The following ANO1 variants were observed in gnomAD, a reference collection of about 807,000 sequenced individuals.
ANO1 encodes the protein anoctamin-1.
In ANO1, 59 loss-of-function variants were observed where a neutral mutation model predicts 124.0. That is an observed-to-expected ratio of 0.48 (90% CI 0.39 to 0.59). The LOEUF is 0.59. Ranked by LOEUF, ANO1 falls within the 20% of genes least tolerant of loss-of-function variation. The pLI, the probability that ANO1 is intolerant of heterozygous loss-of-function variation, is 0.00. For synonymous variants in ANO1, 529 were observed against 532.0 expected (o/e 0.99, Z 0.08); for missense variants, 1,059 against 1,328.0 (o/e 0.80, Z 3.15).
chr11:70,149,870 C>T (rs1019166529), intron 12 of ANO1, 78 bp downstream of exon 12: 45 of 1,501,056 alleles, frequency 3.0e-5, no homozygotes, highest in Non-Finnish European at 3.9e-5. Context: ...GGGACTTACA[C>T]GGAGGCCCGA....
At chr11:70,153,985 C>T (rs1220885760) in intron 14 of ANO1, among the ~76,000 whole-genome samples, 1 of 151,990 alleles carries the variant, frequency 6.6e-6, no homozygotes, top group East Asian at 1.9e-4. Context: ...AGGCTGGTCT[C>T]GAACTCCTGA....
intron 11 of ANO1, among the ~76,000 whole-genome samples, chr11:70,133,057 C>G (rs1052980862): frequency 6.6e-6 from 1 of 152,132 alleles, no homozygotes; most frequent in Middle Eastern, 3.2e-3. Flanking sequence ...AGGGGCCTCT[C>G]CGTCCCACCT....
chr11:70,010,317 C>G (rs1012407095), intron 1 of ANO1, among the ~76,000 whole-genome samples: 1 of 151,258 alleles, frequency 6.6e-6, no homozygotes, highest in African/African-American at 2.4e-5. Flanking sequence ...GTGCAAGTGC[C>G]TTTTTCACAT....
rs2046962719 is a variant in ANO1, at chr11:70,136,543, T to C, written c.1258+4464T>C. On this transcript the variant is annotated intron_variant, in intron 11 of 25. Coordinates refer to ENST00000355303, the MANE Select transcript of ANO1 (RefSeq NM_018043.7). ...CTGCCTGGAGTTTGTTAGGGGAAGATGGGAGTTCCTCTGCTGAGGTTCGAA... is the reference window on the plus strand; with the variant it reads ...CTGCCTGGAGTTTGTTAGGGGAAGACGGGAGTTCCTCTGCTGAGGTTCGAA... Among the ~76,000 whole-genome samples, 2 of 123,452 alleles carry C rather than the reference T, an allele frequency of 1.6e-5. 1 individual carries two copies. The highest frequency in any genetic ancestry group is 6.5e-4 in the South Asian group (2 of 3,062). 81.0% of individuals were successfully genotyped at this position (123,452 alleles called of 152,430 possible). A position where few individuals can be genotyped will look rare whatever the true frequency, so the allele number is the denominator to read the frequency against.
intron 1 of ANO1, among the ~76,000 whole-genome samples, chr11:70,060,126 T>C (rs2135107986): frequency 6.6e-6 from 1 of 152,126 alleles, no homozygotes; most frequent in South Asian, 2.1e-4. Flanking sequence ...GAGCCTTGTG[T>C]GGTAAGGAAG....
intron 1 of ANO1, among the ~76,000 whole-genome samples, chr11:70,006,656 C>CTTTT (rs1470639214): frequency 1.3e-5 from 1 of 76,728 alleles, no homozygotes; most frequent in South Asian, 6.1e-4. Context: ...TTCTTTCTTT[C>CTTTT]TTCTTTCTTT....
At chr11:70,161,834 C>A in intron 18 of ANO1, 101 bp downstream of exon 18, 1 of 1,179,366 alleles carries the variant, frequency 8.5e-7, no homozygotes, top group Non-Finnish European at 1.2e-6. Context: ...CAGGGCAGGG[C>A]AGACACCGTG....
At chr11:69,993,650 G>C (rs1438658371) in intron 1 of ANO1, among the ~76,000 whole-genome samples, 1 of 152,172 alleles carries the variant, frequency 6.6e-6, no homozygotes, top group Non-Finnish European at 1.5e-5. Flanking sequence ...CTTGGTTTGT[G>C]TCCCCACTTC....
chr11:70,175,870 A>G (rs2048674353), intron 22 of ANO1, among the ~76,000 whole-genome samples: 1 of 152,202 alleles, frequency 6.6e-6, no homozygotes, highest in Non-Finnish European at 1.5e-5. Flanking sequence ...CCCAAAGAAT[A>G]TTCTAAAAGC....
At chr11:70,172,349 T>C (rs2048512277) in intron 22 of ANO1, among the ~76,000 whole-genome samples, 2 of 152,120 alleles carry the variant, frequency 1.3e-5, no homozygotes, top group African/African-American at 4.8e-5. Context: ...TCTTGTCTTA[T>C]AGTAGGACCA....
intron 1 of ANO1, among the ~76,000 whole-genome samples, chr11:69,993,047 G>C (rs1856185885): frequency 6.6e-6 from 1 of 152,094 alleles, no homozygotes; most frequent in Admixed American, 6.5e-5. Context: ...CCTCCTCTGG[G>C]CCTTTTGCCA....
chr11:70,007,810 G>T (rs34465972), intron 1 of ANO1, among the ~76,000 whole-genome samples: 36,083 of 152,024 alleles, frequency 0.24, 4,431 homozygotes, highest in South Asian at 0.29. Context: ...ATTTTTTTAG[G>T]AACTTCCATG....
chr11:70,011,710 A>T (rs1174637542), intron 1 of ANO1, among the ~76,000 whole-genome samples: 2 of 152,200 alleles, frequency 1.3e-5, no homozygotes, highest in Non-Finnish European at 2.9e-5. Context: ...TCATCGATGA[A>T]AGCTTGGAAG....
chr11:70,185,510 G>A (rs886172882), intron 24 of ANO1, 80 bp from the exon 25 acceptor site: 7 of 1,325,186 alleles, frequency 5.3e-6, no homozygotes, highest in Admixed American at 3.8e-5. Flanking sequence ...TCTCCCAGGC[G>A]TCCCTCGAGC....
intron 1 of ANO1, among the ~76,000 whole-genome samples, chr11:70,010,195 A>ATG (rs1565159770): frequency 7.2e-6 from 1 of 138,500 alleles, no homozygotes; most frequent in African/African-American, 2.7e-5. Context: ...ATATATATAT[A>ATG]TATCACATTT....
At chr11:70,094,230 C>A (rs1329571295) in intron 2 of ANO1, among the ~76,000 whole-genome samples, 1 of 152,216 alleles carries the variant, frequency 6.6e-6, no homozygotes, top group Admixed American at 6.5e-5. Context: ...CATGTGGAGA[C>A]CCCGCCCCTG....
chr11:70,187,343 C>G (rs528058435), intron 25 of ANO1, among the ~76,000 whole-genome samples: 1 of 152,224 alleles, frequency 6.6e-6, no homozygotes, highest in South Asian at 2.1e-4. Flanking sequence ...TTCAGGGAGA[C>G]CCTGGGACGC....
At chr11:70,185,169 C>T (rs1040645079) in intron 24 of ANO1, among the ~76,000 whole-genome samples, 1 of 152,166 alleles carries the variant, frequency 6.6e-6, no homozygotes, top group African/African-American at 2.4e-5. Context: ...TAGGGAACCC[C>T]CCCGACTTCA....
intron 11 of ANO1, among the ~76,000 whole-genome samples, chr11:70,134,404 C>A (rs2046874894): frequency 6.6e-6 from 1 of 152,188 alleles, no homozygotes. Flanking sequence ...TATAGCGCCC[C>A]CGGGGCTCAG....
Sources: gnomAD v4.1 joint callset for allele counts (sites outside exome capture counted in the v4.1 genomes callset) on GRCh38, gnomAD v4.1.1 for gene constraint, MANE v1.5 for transcripts, NCBI Gene and HGNC (gene_info 2026-07-23, HGNC 2026-07-21) for gene names.